Variants in AFF3 observed in about 807,000 individuals in gnomAD.
The protein encoded by AFF3 is AF4/FMR2 family member 3.
A neutral mutation model predicts 129.7 loss-of-function variants in AFF3; 32 were observed. The observed-to-expected ratio is 0.25, with a 90% confidence interval of 0.19 to 0.33. AFF3 has a LOEUF of 0.33. Ranked by LOEUF, AFF3 falls within the 10% of genes least tolerant of loss-of-function variation. The pLI is 1.00. For missense variants in AFF3, 1,373 were observed against 1,592.0 expected (o/e 0.86, Z 2.34); for synonymous variants, 644 against 635.4 (o/e 1.01, Z -0.20).
At chr2:99,777,260 T>C (rs1440405604) in intron 8 of AFF3, among the ~76,000 whole-genome samples, 1 of 152,136 alleles carries the variant, frequency 6.6e-6, no homozygotes, top group Non-Finnish European at 1.5e-5. Flanking sequence ...AGGAGCATCC[T>C]GGGAGAGTGC....
intron 10 of AFF3, among the ~76,000 whole-genome samples, chr2:99,737,866 A>G (rs1437843346): frequency 6.6e-6 from 1 of 151,582 alleles, no homozygotes; most frequent in African/African-American, 2.4e-5. Flanking sequence ...TGCATTCTAG[A>G]TAATTTCTTA....
At chr2:99,894,411 G>A (rs1005362645) in intron 7 of AFF3, among the ~76,000 whole-genome samples, 9 of 152,006 alleles carry the variant, frequency 5.9e-5, no homozygotes, top group Admixed American at 5.2e-4. Context: ...ACCAGAAGCA[G>A]TGTCTGGTAC....
At chr2:100,081,557 A>G (rs1219281046) in intron 4 of AFF3, among the ~76,000 whole-genome samples, 1 of 152,068 alleles carries the variant, frequency 6.6e-6, no homozygotes, top group Non-Finnish European at 1.5e-5. Context: ...CCCCCTCATC[A>G]TCTGGCTTAG....
intron 4 of AFF3, among the ~76,000 whole-genome samples, chr2:100,087,884 T>C: frequency 7.4e-6 from 1 of 134,564 alleles, no homozygotes; most frequent in East Asian, 2.1e-4. Context: ...GATTAAAGTA[T>C]ATTAAAGTAT....
chr2:100,111,462 C>T (rs956192931), intron 2 of AFF3, among the ~76,000 whole-genome samples: 2 of 152,236 alleles, frequency 1.3e-5, no homozygotes, highest in Non-Finnish European at 2.9e-5. Flanking sequence ...ATTAATCTGG[C>T]TCCAGCATTT....
At chr2:99,907,492 C>T (rs1694797431) in intron 7 of AFF3, among the ~76,000 whole-genome samples, 1 of 151,980 alleles carries the variant, frequency 6.6e-6, no homozygotes, top group Admixed American at 6.6e-5. Context: ...GTGAATCATG[C>T]ACCCAGACTT....
intron 10 of AFF3, among the ~76,000 whole-genome samples, chr2:99,728,481 C>T (rs977967033): frequency 2.0e-5 from 3 of 152,204 alleles, no homozygotes; most frequent in African/African-American, 7.2e-5. Flanking sequence ...CCAGGAATGA[C>T]TCCCTAAATT....
rs1255659150 is a variant in AFF3 at position 99,549,967 on chromosome 2, G to A, written c.*1507C>T. On this transcript the variant is annotated 3_prime_UTR_variant, in exon 25 of 25. Coordinates refer to ENST00000672756, the MANE Select transcript of AFF3 (RefSeq NM_001386135.1). ...CGCCTGCCTTTCTCAGACCGTCCTG[G>A]TGCAACTTTATCAAGTAAGAGGCCA... 1 of 226,804 alleles carries A rather than the reference G, an allele frequency of 4.4e-6. No individual in the cohort carries two copies. The highest frequency in any genetic ancestry group is 8.8e-6 in the Non-Finnish European group (1 of 114,238). The allele number at this position is 226,804 out of a possible 1,614,324, so 14.0% of individuals were successfully genotyped here.
intron 13 of AFF3, among the ~76,000 whole-genome samples, chr2:99,606,711 A>G (rs949391167): frequency 1.6e-4 from 24 of 151,968 alleles, no homozygotes; most frequent in South Asian, 6.2e-4. Flanking sequence ...AAGTCAGATC[A>G]AGACCATCCT....
At chr2:100,067,009 A>T (rs1687774360) in intron 4 of AFF3, among the ~76,000 whole-genome samples, 1 of 152,172 alleles carries the variant, frequency 6.6e-6, no homozygotes, top group African/African-American at 2.4e-5. Context: ...AACCTGCAGA[A>T]AATGTCACTT....
At chr2:99,947,311 C>T (rs1576407003) in intron 7 of AFF3, among the ~76,000 whole-genome samples, 1 of 151,972 alleles carries the variant, frequency 6.6e-6, no homozygotes, top group Admixed American at 6.6e-5. Flanking sequence ...AGTGTGGTCA[C>T]AGACACCTGT....
chr2:99,783,765 AG>A (rs1684576702), intron 8 of AFF3, among the ~76,000 whole-genome samples: 1 of 152,224 alleles, frequency 6.6e-6, no homozygotes, highest in Non-Finnish European at 1.5e-5. Context: ...ACCATACTGA[AG>A]GTATATATCC....
At chr2:100,028,628 T>C (rs2104935228) in intron 4 of AFF3, among the ~76,000 whole-genome samples, 1 of 152,276 alleles carries the variant, frequency 6.6e-6, no homozygotes, top group South Asian at 2.1e-4. Flanking sequence ...ACAGTGGCTA[T>C]TCTTGAGACA....
chr2:100,028,059 A>T (rs966272755), intron 4 of AFF3, among the ~76,000 whole-genome samples: 1 of 152,202 alleles, frequency 6.6e-6, no homozygotes, highest in Non-Finnish European at 1.5e-5. Context: ...TTAATCATCA[A>T]GGAAATACAA....
At chr2:99,781,682 G>A (rs537949320) in intron 8 of AFF3, among the ~76,000 whole-genome samples, 65 of 152,258 alleles carry the variant, frequency 4.3e-4, no homozygotes, top group African/African-American at 1.4e-3. Context: ...TTGCTGGCTC[G>A]TTTTGGGGTC....
chr2:100,114,601 C>G (rs1299503988), intron 2 of AFF3, among the ~76,000 whole-genome samples: 2 of 152,294 alleles, frequency 1.3e-5, no homozygotes, highest in East Asian at 3.9e-4. Context: ...AGGCTGGTCT[C>G]GAACTCCTGA....
chr2:99,886,496 G>A (rs775401095), intron 7 of AFF3, among the ~76,000 whole-genome samples: 4 of 151,832 alleles, frequency 2.6e-5, no homozygotes, highest in Non-Finnish European at 5.9e-5. Context: ...ACATTTCCAT[G>A]ATGCTCTCTG....
chr2:99,690,356 T>C (rs1575704117), intron 11 of AFF3, among the ~76,000 whole-genome samples: 17 of 147,216 alleles, frequency 1.2e-4, no homozygotes, highest in South Asian at 4.4e-4. Context: ...AATTTTTTTG[T>C]ATTTTTAGTA....
chr2:99,593,342 G>A lies in AFF3; in HGVS notation c.2319C>T (p.Thr773=). 1 of 1,614,036 alleles carries A rather than the reference G, an allele frequency of 6.2e-7. No homozygotes were observed. Among genetic ancestry groups the A allele is most frequent in the Non-Finnish European group, 8.5e-7 (1 of 1,179,988 alleles). The part of the protein sequence containing the change: ...IRSLWVKIDL[T]LLSRIPEHLP... ...GGTGTTCTGGGATCCTGGACAGGAG[G>A]GTCAGGTCGATTTTGACCCAGAGAG... The change falls in exon 15 of 25, where the codon ACC becomes ACT. Residue 773 remains threonine (T), a synonymous_variant. Transcript: ENST00000672756.
Sources: gnomAD v4.1 joint callset for allele counts (sites outside exome capture counted in the v4.1 genomes callset) on GRCh38, gnomAD v4.1.1 for gene constraint, MANE v1.5 for transcripts, NCBI Gene and HGNC (gene_info 2026-07-23, HGNC 2026-07-21) for gene names.